Variants in GABRB1 observed in about 807,000 individuals in gnomAD.
GABRB1 encodes the protein gamma-aminobutyric acid type A receptor subunit beta1.
GABRB1 carries 17 observed loss-of-function variants against 51.6 expected under a neutral mutation model. The ratio of observed to expected loss-of-function variants is 0.33; its 90% CI spans 0.23 to 0.49. The LOEUF is 0.49. Ranked by LOEUF, GABRB1 falls within the 20% of genes least tolerant of loss-of-function variation. The pLI is 0.99. For missense variants in GABRB1, 410 were observed against 600.6 expected (o/e 0.68, Z 3.32); for synonymous variants, 247 against 218.9 (o/e 1.13, Z -1.14).
At chr4:47,263,692 G>A (rs770509099) in intron 4 of GABRB1, among the ~76,000 whole-genome samples, 8 of 152,140 alleles carry the variant, frequency 5.3e-5, no homozygotes, top group Non-Finnish European at 1.0e-4. Context: ...CAACAGCAGG[G>A]AGGGAATATC....
intron 4 of GABRB1, among the ~76,000 whole-genome samples, chr4:47,219,385 T>C (rs1720684659): frequency 6.6e-6 from 1 of 151,888 alleles, no homozygotes; most frequent in South Asian, 2.1e-4. Flanking sequence ...TAGCCTGATC[T>C]AGGTACTCCA....
intron 4 of GABRB1, among the ~76,000 whole-genome samples, chr4:47,165,000 G>A (rs192943645): frequency 1.3e-5 from 2 of 152,142 alleles, no homozygotes; most frequent in Admixed American, 1.3e-4. Flanking sequence ...ATTTAGGTGG[G>A]GAATCTAAAT....
intron 5 of GABRB1, among the ~76,000 whole-genome samples, chr4:47,341,437 T>A (rs180905385): frequency 6.6e-6 from 1 of 152,194 alleles, no homozygotes; most frequent in Non-Finnish European, 1.5e-5. Context: ...CTGACCCTCA[T>A]AAACATCTAG....
At chr4:47,060,437 C>T (rs1031834207) in intron 3 of GABRB1, among the ~76,000 whole-genome samples, 3 of 152,050 alleles carry the variant, frequency 2.0e-5, no homozygotes, top group Non-Finnish European at 2.9e-5. Flanking sequence ...AATAAAACAA[C>T]CCTGTAAACA....
chr4:47,150,091 A>T (rs1717358731), intron 3 of GABRB1, among the ~76,000 whole-genome samples: 1 of 151,890 alleles, frequency 6.6e-6, no homozygotes, highest in Non-Finnish European at 1.5e-5. Flanking sequence ...TACTTTAGCA[A>T]ATTATAATAT....
At chr4:47,054,906 A>G (rs754910060) in intron 3 of GABRB1, among the ~76,000 whole-genome samples, 15 of 152,086 alleles carry the variant, frequency 9.9e-5, no homozygotes, top group Non-Finnish European at 2.2e-4. Context: ...AACATTTTTT[A>G]AAGTTGTCAT....
intron 4 of GABRB1, among the ~76,000 whole-genome samples, chr4:47,280,452 ATACT>A (rs901362581): frequency 9.9e-5 from 15 of 151,190 alleles, no homozygotes; most frequent in Admixed American, 9.9e-4. Context: ...AATGCTCTAT[ATACT>A]TACTATTACC....
intron 5 of GABRB1, among the ~76,000 whole-genome samples, chr4:47,362,250 T>C (rs761607402): frequency 4.6e-5 from 7 of 152,038 alleles, no homozygotes; most frequent in Non-Finnish European, 1.0e-4. Flanking sequence ...AGAGCCGTAG[T>C]AGTACAAACT....
chr4:47,038,135 C>T lies in GABRB1; in HGVS notation c.240+5651C>T, dbSNP rs1362036191. Among the ~76,000 whole-genome samples the T allele has an allele frequency of 2.6e-5, 4 of 152,184 alleles. No homozygotes were observed. In the East Asian group the frequency reaches 7.7e-4, roughly 29 times the overall value. On this transcript the variant is annotated intron_variant, in intron 3 of 8. Transcript: ENST00000295454. ...TAAAAAAATCTTTGTCTCCATCTTA[C>T]TCCCTTGCTAGATTGTCTTAAATAC...
intron 5 of GABRB1, among the ~76,000 whole-genome samples, chr4:47,331,012 A>C (rs1298143664): frequency 2.0e-5 from 3 of 152,174 alleles, no homozygotes; most frequent in Admixed American, 2.0e-4. Context: ...AAAACACCAA[A>C]AATAACAGAA....
At chr4:47,092,323 C>T (rs886709963) in intron 3 of GABRB1, among the ~76,000 whole-genome samples, 1 of 151,526 alleles carries the variant, frequency 6.6e-6, no homozygotes, top group African/African-American at 2.4e-5. Flanking sequence ...CAGGCACACA[C>T]CACCACGCCT....
At chr4:47,371,893 G>T (rs946773317) in intron 5 of GABRB1, among the ~76,000 whole-genome samples, 2 of 152,080 alleles carry the variant, frequency 1.3e-5, no homozygotes, top group African/African-American at 4.8e-5. Flanking sequence ...TAGGTTGTCT[G>T]TTTATTCTGT....
intron 3 of GABRB1, among the ~76,000 whole-genome samples, chr4:47,157,522 G>C (rs1045305492): frequency 6.6e-6 from 1 of 152,024 alleles, no homozygotes; most frequent in Non-Finnish European, 1.5e-5. Flanking sequence ...ATAATAAGTA[G>C]TTTCTCTGAC....
rs557459252 is a variant in GABRB1 at position 47,328,375 on chromosome 4, G to T, written c.544+8166G>T. Among the ~76,000 whole-genome samples the T allele has an allele frequency of 2.5e-3, 380 of 152,236 alleles. 1 individual carries two copies. The highest frequency in any genetic ancestry group is 4.5e-3 in the Non-Finnish European group (305 of 68,028). Reference sequence around the variant, plus strand: ...CCATTGCTTTTGGTGTTTTAGACATGAAGTCCTTGCCCATGCCTATGTCCT... The same window carrying T: ...CCATTGCTTTTGGTGTTTTAGACATTAAGTCCTTGCCCATGCCTATGTCCT... On this transcript the variant is annotated intron_variant, in intron 5 of 8. Coordinates refer to ENST00000295454, the MANE Select transcript of GABRB1 (RefSeq NM_000812.4).
chr4:47,063,807 C>T (rs1372416260), intron 3 of GABRB1, among the ~76,000 whole-genome samples: 1 of 152,130 alleles, frequency 6.6e-6, no homozygotes, highest in African/African-American at 2.4e-5. Context: ...ACACCACGTG[C>T]CCTCACTTAT....
At chr4:47,275,178 A>G (rs1250948391) in intron 4 of GABRB1, among the ~76,000 whole-genome samples, 1 of 152,158 alleles carries the variant, frequency 6.6e-6, no homozygotes, top group Non-Finnish European at 1.5e-5. Context: ...TTTACTCTGT[A>G]TGTTTACTTC....
intron 3 of GABRB1, among the ~76,000 whole-genome samples, chr4:47,160,863 T>C (rs373469186): frequency 6.6e-6 from 1 of 152,048 alleles, no homozygotes; most frequent in East Asian, 1.9e-4. Flanking sequence ...CCTGGCTTAC[T>C]GCAGCCTCAG....
intron 3 of GABRB1, among the ~76,000 whole-genome samples, chr4:47,060,252 A>G (rs2109525866): frequency 6.6e-6 from 1 of 152,320 alleles, no homozygotes; most frequent in African/African-American, 2.4e-5. Flanking sequence ...ACAGAATCAC[A>G]CAGAAAGTAA....
upstream of GABRB1, among the ~76,000 whole-genome samples, chr4:47,028,386 C>T (rs1395240117): frequency 6.6e-6 from 1 of 151,714 alleles, no homozygotes; most frequent in African/African-American, 2.4e-5. Context: ...ACTACAGTCA[C>T]CCTACTCTGC....
Sources: gnomAD v4.1 joint callset for allele counts (sites outside exome capture counted in the v4.1 genomes callset) on GRCh38, gnomAD v4.1.1 for gene constraint, MANE v1.5 for transcripts, NCBI Gene and HGNC (gene_info 2026-07-23, HGNC 2026-07-21) for gene names.